Variants in NLGN1 observed in about 807,000 individuals in gnomAD.
NLGN1 encodes neuroligin 1, also known as neuroligin-1.
A neutral mutation model predicts 65.5 loss-of-function variants in NLGN1; 12 were observed. The observed-to-expected ratio is 0.18, with a 90% confidence interval of 0.12 to 0.30. The LOEUF is 0.30. Among genes scored for constraint, NLGN1 ranks in the 10% least tolerant of loss-of-function variants. The pLI is 1.00. For synonymous variants in NLGN1, 350 were observed against 359.5 expected (o/e 0.97, Z 0.30); for missense variants, 750 against 1,007.1 (o/e 0.74, Z 3.46).
chr3:174,034,961 A>G (rs1415364981), intron 4 of NLGN1, among the ~76,000 whole-genome samples: 2 of 152,174 alleles, frequency 1.3e-5, no homozygotes, highest in Non-Finnish European at 2.9e-5. Flanking sequence ...GATTGGAGAA[A>G]GATATGCCAT....
rs117410432 is a variant in NLGN1, at chr3:174,030,501, G to A, written c.646+222669G>A. ...CCAAAAATATTTGAGTAGTTTGTGA[G>A]CAAGTTAAATTTCCGTGTAAGCTGT... On this transcript the variant is annotated intron_variant, in intron 4 of 6. Coordinates refer to ENST00000457714, the Ensembl canonical transcript of NLGN1. Among the ~76,000 whole-genome samples, 133 of 152,266 alleles carry A rather than the reference G, an allele frequency of 8.7e-4. 1 individual carries two copies. In the East Asian group the frequency reaches 0.023, roughly 27 times the overall value.
intron 4 of NLGN1, among the ~76,000 whole-genome samples, chr3:174,231,681 G>C (rs993715668): frequency 6.6e-6 from 1 of 152,018 alleles, no homozygotes; most frequent in Non-Finnish European, 1.5e-5. Flanking sequence ...ATGTCCCTGG[G>C]CTCATGATCC....
At chr3:173,550,548 A>G (rs958221989) in intron 2 of NLGN1, among the ~76,000 whole-genome samples, 7 of 152,134 alleles carry the variant, frequency 4.6e-5, no homozygotes, top group Admixed American at 1.3e-4. Context: ...ATTTGATAAT[A>G]AGTATATTTC....
chr3:173,824,060 G>A (rs375287373), intron 4 of NLGN1, among the ~76,000 whole-genome samples: 42 of 152,118 alleles, frequency 2.8e-4, no homozygotes, highest in African/African-American at 9.6e-4. Flanking sequence ...TTTAATGGCT[G>A]TTACAGCTGA....
intron 4 of NLGN1, among the ~76,000 whole-genome samples, chr3:174,170,518 C>T (rs560985993): frequency 2.0e-5 from 3 of 152,206 alleles, no homozygotes; most frequent in East Asian, 1.9e-4. Flanking sequence ...AGTCCTCCTT[C>T]GTAAATTGTT....
At chr3:173,990,157 T>C (rs1312023597) in intron 4 of NLGN1, among the ~76,000 whole-genome samples, 4 of 152,166 alleles carry the variant, frequency 2.6e-5, no homozygotes, top group Non-Finnish European at 5.9e-5. Flanking sequence ...TATAATAGTC[T>C]TAGGCTTTAC....
intron 3 of NLGN1, among the ~76,000 whole-genome samples, chr3:173,667,127 C>T (rs1761809730): frequency 6.6e-6 from 1 of 152,012 alleles, no homozygotes. Flanking sequence ...TGATAATTTT[C>T]ATGGCAGAAT....
At chr3:173,925,319 T>C (rs1241278168) in intron 4 of NLGN1, among the ~76,000 whole-genome samples, 2 of 152,098 alleles carry the variant, frequency 1.3e-5, no homozygotes, top group Non-Finnish European at 2.9e-5. Flanking sequence ...TTTGGACTAA[T>C]AACAGTTTGA....
chr3:174,142,156 A>C (rs1222929532), intron 4 of NLGN1, among the ~76,000 whole-genome samples: 2 of 152,184 alleles, frequency 1.3e-5, no homozygotes, highest in African/African-American at 4.8e-5. Context: ...TTGTATGTTT[A>C]ATATATTGTA....
chr3:174,266,206 C>T (rs1748202174), intron 4 of NLGN1, among the ~76,000 whole-genome samples: 1 of 151,968 alleles, frequency 6.6e-6, no homozygotes, highest in Non-Finnish European at 1.5e-5. Flanking sequence ...TCACCCTCCC[C>T]CTAGCCTCCA....
At chr3:173,617,959 A>G (rs1753378758) in intron 3 of NLGN1, among the ~76,000 whole-genome samples, 1 of 152,078 alleles carries the variant, frequency 6.6e-6, no homozygotes, top group Admixed American at 6.5e-5. Flanking sequence ...ACCTCTGTAA[A>G]TAGGACTTCT....
At chr3:173,583,002 G>T (rs1485064596) in intron 2 of NLGN1, among the ~76,000 whole-genome samples, 2 of 152,034 alleles carry the variant, frequency 1.3e-5, no homozygotes, top group African/African-American at 4.8e-5. Context: ...TTCCCTCAGT[G>T]CTTTCTGATG....
At chr3:173,691,459 T>C (rs891247944) in intron 3 of NLGN1, among the ~76,000 whole-genome samples, 2 of 152,164 alleles carry the variant, frequency 1.3e-5, no homozygotes, top group African/African-American at 2.4e-5. Context: ...CAGATTCTTA[T>C]TTACATCATA....
At chr3:174,065,353 A>G (rs1290744114) in intron 4 of NLGN1, among the ~76,000 whole-genome samples, 1 of 152,144 alleles carries the variant, frequency 6.6e-6, no homozygotes, top group Non-Finnish European at 1.5e-5. Context: ...AAGAGGATGT[A>G]TGTATAATTT....
At chr3:173,649,726 T>A (rs144685372) in intron 3 of NLGN1, among the ~76,000 whole-genome samples, 12 of 152,232 alleles carry the variant, frequency 7.9e-5, no homozygotes, top group Admixed American at 7.8e-4. Flanking sequence ...GTTTTAGGAT[T>A]GTATCTATAC....
intron 4 of NLGN1, among the ~76,000 whole-genome samples, chr3:173,841,144 T>C (rs970694507): frequency 1.8e-5 from 1 of 55,496 alleles, no homozygotes; most frequent in African/African-American, 7.1e-5. Flanking sequence ...TCTATATCTA[T>C]AGTTATATAT....
chr3:173,753,533 C>G (rs919389505), intron 3 of NLGN1, among the ~76,000 whole-genome samples: 1 of 152,138 alleles, frequency 6.6e-6, no homozygotes. Context: ...ACTAAATCCA[C>G]CCTGGATGAA....
At chr3:173,450,891 A>G (rs13081683) in intron 2 of NLGN1, among the ~76,000 whole-genome samples, 73,924 of 152,108 alleles carry the variant, frequency 0.49, 20,407 homozygotes, top group East Asian at 0.84. Context: ...CGTAGTTCTC[A>G]TGCCATGGTT....
intron 2 of NLGN1, among the ~76,000 whole-genome samples, chr3:173,553,485 C>A (rs1360208271): frequency 6.6e-6 from 1 of 152,094 alleles, no homozygotes; most frequent in Non-Finnish European, 1.5e-5. Flanking sequence ...CAAATGAAAT[C>A]TATTTATCTC....
Sources: gnomAD v4.1 joint callset for allele counts (sites outside exome capture counted in the v4.1 genomes callset) on GRCh38, gnomAD v4.1.1 for gene constraint, MANE v1.5 for transcripts, NCBI Gene and HGNC (gene_info 2026-07-23, HGNC 2026-07-21) for gene names.